HDAC4: variants seen among roughly 807,000 people sequenced by gnomAD.
The protein encoded by HDAC4 is histone deacetylase 4, also known as histone deacetylase A.
In HDAC4, 16 loss-of-function variants were observed where a neutral mutation model predicts 135.1. The ratio of observed to expected loss-of-function variants is 0.12; its 90% CI spans 0.08 to 0.18. The LOEUF is 0.18. HDAC4 is among the 10% of genes least tolerant of loss of function. The pLI is 1.00. For synonymous variants in HDAC4, 685 were observed against 653.4 expected (o/e 1.05, Z -0.74); for missense variants, 1,143 against 1,511.8 (o/e 0.76, Z 4.05).
intron 1 of HDAC4, 149 bp from the exon 2 acceptor site, chr2:239,353,067 G>C (rs1345241396): frequency 3.4e-6 from 1 of 297,238 alleles, no homozygotes; most frequent in Non-Finnish European, 6.6e-6. Flanking sequence ...GTGGTGGCAC[G>C]ATCTGGGCTC....
intron 24 of HDAC4, among the ~76,000 whole-genome samples, chr2:239,066,442 C>T (rs1045001726): frequency 6.6e-6 from 1 of 152,234 alleles, no homozygotes; most frequent in African/African-American, 2.4e-5. Flanking sequence ...GGACCCTGAA[C>T]TGAAAGGGTG....
At position 239,168,227 on chromosome 2, in the gene HDAC4, T is replaced by G. The variant is rs2043230225; in HGVS notation, c.491-4304A>C. 2.0e-5 allele frequency among the ~76,000 whole-genome samples: 3 copies of G among 152,148 alleles called. No homozygotes were observed. In the South Asian group the frequency reaches 6.2e-4, roughly 31 times the overall value. ...GACTTGCTCAGTGACCTCCCTCCAT[T>G]CCCTGCAGGGCTGCGCGTGTGGACC... On this transcript the variant is annotated intron_variant, in intron 5 of 26. Coordinates refer to ENST00000543185, the MANE Select transcript of HDAC4 (RefSeq NM_001378414.1).
intron 9 of HDAC4, among the ~76,000 whole-genome samples, chr2:239,138,808 C>T (rs531041999): frequency 2.0e-5 from 3 of 152,344 alleles, no homozygotes; most frequent in Admixed American, 1.3e-4. Flanking sequence ...GCTCGGGACA[C>T]GTGTGGGATA....
upstream of HDAC4, chr2:239,401,627 C>T (rs1486631819): frequency 2.0e-5 from 5 of 250,266 alleles, no homozygotes; most frequent in Admixed American, 1.8e-4. Flanking sequence ...GGCCTCGCCG[C>T]GGCGTCCATC....
intron 12 of HDAC4, among the ~76,000 whole-genome samples, chr2:239,121,901 G>T (rs888173594): frequency 1.3e-5 from 2 of 152,304 alleles, no homozygotes; most frequent in Admixed American, 1.3e-4. Flanking sequence ...TGTGGGCTGG[G>T]GCTGCACTGC....
intron 1 of HDAC4, among the ~76,000 whole-genome samples, chr2:239,360,347 C>T (rs927119641): frequency 2.6e-5 from 4 of 152,200 alleles, no homozygotes; most frequent in African/African-American, 9.7e-5. Flanking sequence ...GCCCCCGTGT[C>T]ACAGCTGGGG....
At chr2:239,354,561 AAT>A (rs1491504991) in intron 1 of HDAC4, among the ~76,000 whole-genome samples, 1,617 of 129,538 alleles carry the variant, frequency 0.012, 29 homozygotes, top group East Asian at 0.076. Flanking sequence ...TTAGTCTAGA[AAT>A]TTTTTTTTTT....
intron 24 of HDAC4, among the ~76,000 whole-genome samples, chr2:239,066,035 T>C (rs73111029): frequency 0.032 from 4,824 of 152,206 alleles, 251 homozygotes; most frequent in African/African-American, 0.11. Flanking sequence ...TGCCTCCTCC[T>C]CCCATCTCAC....
At chr2:239,329,784 G>C (rs1691435632) in intron 2 of HDAC4, among the ~76,000 whole-genome samples, 1 of 152,198 alleles carries the variant, frequency 6.6e-6, no homozygotes, top group South Asian at 2.1e-4. Context: ...CCCTGGGCAG[G>C]AACAGGCGCT....
chr2:239,160,671 G>A (rs2042735256), intron 6 of HDAC4, among the ~76,000 whole-genome samples: 1 of 152,210 alleles, frequency 6.6e-6, no homozygotes, highest in African/African-American at 2.4e-5. Context: ...GAGTAGCAGT[G>A]CAGGGGCCCC....
intron 1 of HDAC4, among the ~76,000 whole-genome samples, chr2:239,356,489 C>T (rs1392444584): frequency 1.3e-5 from 2 of 152,196 alleles, no homozygotes; most frequent in Admixed American, 1.3e-4. Flanking sequence ...CTTCCCCAAG[C>T]ACTATACACC....
At chr2:239,224,581 AGCCCTGCTCTGCCT>A (rs1428521310) in intron 3 of HDAC4, among the ~76,000 whole-genome samples, 1 of 152,118 alleles carries the variant, frequency 6.6e-6, no homozygotes, top group Non-Finnish European at 1.5e-5. Flanking sequence ...TCCACTCCCG[AGCCCTGCTCTGCCT>A]TCCCTGCTCT....
intron 2 of HDAC4, among the ~76,000 whole-genome samples, chr2:239,345,398 A>G (rs1037776750): frequency 6.6e-6 from 1 of 151,988 alleles, no homozygotes; most frequent in African/African-American, 2.4e-5. Context: ...AAAATTTTAA[A>G]AATTAGCTGG....
chr2:239,056,051 C>T (rs1258444825), intron 24 of HDAC4, among the ~76,000 whole-genome samples: 1 of 152,240 alleles, frequency 6.6e-6, no homozygotes, highest in African/African-American at 2.4e-5. Flanking sequence ...GAGAATTTGC[C>T]TGCTTCTAGA....
rs1168559661 is a variant in HDAC4 at position 239,095,118 on chromosome 2, C to T, written c.2234-62G>A. The T allele has an allele frequency of 2.8e-5, 45 of 1,585,800 alleles. 1 individual carries two copies. The Admixed American group carries it at 6.9e-4, about 24-fold the overall frequency. Reference sequence around the variant, plus strand: ...GCACGCGGCCAAGGTGCTCGACAGGCCCTGGGCGCACTCCGGGGTCTTCAG... The same window carrying T: ...GCACGCGGCCAAGGTGCTCGACAGGTCCTGGGCGCACTCCGGGGTCTTCAG... On this transcript the variant is annotated intron_variant, in intron 16 of 26. Transcript: ENST00000543185.
intron 2 of HDAC4, among the ~76,000 whole-genome samples, chr2:239,344,082 A>G (rs1218463109): frequency 1.3e-5 from 2 of 152,176 alleles, no homozygotes; most frequent in East Asian, 3.9e-4. Context: ...ACCTATGGTC[A>G]AGTAGAGCCA....
At chr2:239,063,364 C>A (rs909712337) in intron 24 of HDAC4, among the ~76,000 whole-genome samples, 1 of 152,038 alleles carries the variant, frequency 6.6e-6, no homozygotes, top group African/African-American at 2.4e-5. Context: ...CTGCCCCCGA[C>A]TAATTTTTTT....
At chr2:239,090,297 T>C (rs942196637) in intron 17 of HDAC4, among the ~76,000 whole-genome samples, 181 bp from the exon 18 acceptor site, 6 of 152,200 alleles carry the variant, frequency 3.9e-5, no homozygotes, top group African/African-American at 1.2e-4. Flanking sequence ...CCAAAAAGTT[T>C]AAACAGGAAA....
Position 239,319,477 on chromosome 2 carries a change from C to A in HDAC4, c.22+33201G>T, listed in dbSNP as rs74779931. ...CACCTCCCGGGACCGAGCAAGGCGC[C>A]CTGGTCAGCCTGAAGACACTGGCAC... On this transcript the variant is annotated intron_variant, in intron 2 of 26. Transcript: ENST00000543185. 7.9e-4 allele frequency among the ~76,000 whole-genome samples: 121 copies of A among 152,348 alleles called. 1 individual carries two copies. The highest frequency in any genetic ancestry group is 2.9e-3 in the African/African-American group (120 of 41,590).
Sources: allele counts gnomAD v4.1 joint callset (sites outside exome capture counted in the v4.1 genomes callset), GRCh38; gene constraint gnomAD v4.1.1; transcripts MANE v1.5; gene names NCBI Gene and HGNC (gene_info 2026-07-23, HGNC 2026-07-21).